Variants in LIFR observed in about 807,000 individuals in gnomAD.
The protein encoded by LIFR is LIF receptor subunit alpha.
LIFR carries 84 observed loss-of-function variants against 122.2 expected under a neutral mutation model. The ratio of observed to expected loss-of-function variants is 0.69; its 90% confidence interval spans 0.58 to 0.82. The LOEUF (loss-of-function observed/expected upper bound fraction) is 0.82, where lower values mean the gene tolerates loss of function less well. LIFR is among the 40% of genes least tolerant of loss of function. The pLI is 0.00. For synonymous variants in LIFR, 422 were observed against 434.7 expected (o/e 0.97, Z 0.36); for missense variants, 1,294 against 1,311.6 (o/e 0.99, Z 0.21).
chr5:38,482,173 T>C lies in LIFR; in HGVS notation c.2716A>G (p.Asn906Asp). 3 of 1,590,038 alleles carry C rather than the reference T, an allele frequency of 1.9e-6. No individual in the cohort carries two copies. The highest frequency in any genetic ancestry group is 2.6e-6 in the Non-Finnish European group (3 of 1,173,556). Reference protein sequence around the residue: ...KTLEMNPCTPNNVEVLETRSA... With the variant: ...KTLEMNPCTPDNVEVLETRSA... ...CGAGTTTCCAGAACCTCAACATTAT[T>C]TGGGGTACAAGGATTCATTTCCAAT... Residue 906 changes from asparagine (N) to aspartate (D), a missense_variant, in exon 20 of 20, where the codon AAT becomes GAT. Physicochemically the swap from Asn to Asp is conservative, Grantham distance 23. Coordinates refer to ENST00000453190, the MANE Select transcript of LIFR (RefSeq NM_001127671.2).
At chr5:38,598,217 TTTTTTTTTTTTTTTTATTTATTTATTTA>T, upstream of LIFR, among the ~76,000 whole-genome samples, 1 of 67,922 alleles carries the variant, frequency 1.5e-5, no homozygotes, top group Non-Finnish European at 2.8e-5. Context: ...ACCTCTTTTT[TTTTTTTTTTTTTTTTATTTATTTATTTA>T]TTTTTTTTTT....
chr5:38,507,236 AATT>A (rs1272921360), intron 7 of LIFR, among the ~76,000 whole-genome samples: 3 of 151,944 alleles, frequency 2.0e-5, no homozygotes, highest in African/African-American at 7.3e-5. Context: ...AATTAAAAGA[AATT>A]TTTTTTTTTT....
At chr5:38,530,336 T>C (rs1746934169) in intron 2 of LIFR, among the ~76,000 whole-genome samples, 170 bp downstream of exon 2, 1 of 152,104 alleles carries the variant, frequency 6.6e-6, no homozygotes, top group Non-Finnish European at 1.5e-5. Context: ...TGATCTATCA[T>C]TAAGGATCTT....
chr5:38,527,136 TTTG>T lies in LIFR; in HGVS notation c.397+16_397+18del. 1 of 1,564,154 alleles carries T rather than the reference TTTG, an allele frequency of 6.4e-7. No individual in the cohort carries two copies. Among genetic ancestry groups the T allele is most frequent in the Non-Finnish European group, 8.8e-7 (1 of 1,142,208 alleles). On this transcript the variant is annotated intron_variant, in intron 4 of 19. Transcript: ENST00000453190. ...ACACTTGACTTACTTTAAAATTGAG[TTTG>T]TTTTCAAATACTTACAAACGTTTTG...
upstream of LIFR, among the ~76,000 whole-genome samples, chr5:38,560,636 G>A (rs371572983): frequency 4.8e-4 from 72 of 149,754 alleles, 1 homozygote; most frequent in African/African-American, 1.7e-3. Flanking sequence ...TTGCTCTGTC[G>A]TCCAGGCTGG....
intron 1 of LIFR, among the ~76,000 whole-genome samples, chr5:38,583,334 A>C (rs1195058891): frequency 1.3e-5 from 2 of 152,184 alleles, no homozygotes; most frequent in Non-Finnish European, 2.9e-5. Flanking sequence ...TTTCACTTTC[A>C]TATATAAGCA....
intron 13 of LIFR, among the ~76,000 whole-genome samples, chr5:38,496,082 T>G (rs1744860631): frequency 6.6e-6 from 1 of 152,196 alleles, no homozygotes; most frequent in African/African-American, 2.4e-5. Flanking sequence ...GAATATCATT[T>G]GAATAAACTC....
rs374437893 is a variant in LIFR at position 38,575,061 on chromosome 5, G to A, written c.-20+20200C>T. Among the ~76,000 whole-genome samples the A allele has an allele frequency of 2.6e-5, 4 of 152,074 alleles. No homozygotes were observed. The East Asian group carries it at 7.7e-4, about 29-fold the overall frequency. On this transcript the variant is annotated intron_variant, in intron 1 of 19. Coordinates refer to the LIFR transcript ENST00000263409. ...GGAAACTATCCACATGCCCATCCAAGCAGAACAGATCAACTGTTTTGTATT... is the reference window on the plus strand; with the variant it reads ...GGAAACTATCCACATGCCCATCCAAACAGAACAGATCAACTGTTTTGTATT...
chr5:38,561,227 A>C (rs549587096), upstream of LIFR, among the ~76,000 whole-genome samples: 9 of 152,296 alleles, frequency 5.9e-5, no homozygotes, highest in African/African-American at 2.2e-4. Flanking sequence ...CTACACAACA[A>C]TTTTGGCTAT....
intron 5 of LIFR, among the ~76,000 whole-genome samples, chr5:38,515,374 T>C (rs966528616): frequency 2.8e-5 from 4 of 140,646 alleles, no homozygotes; most frequent in African/African-American, 5.3e-5. Context: ...ATAAAGTACT[T>C]AGTATATTTG....
At chr5:38,590,554 A>G (rs1354018011) in intron 1 of LIFR, among the ~76,000 whole-genome samples, 11 of 152,228 alleles carry the variant, frequency 7.2e-5, no homozygotes, top group Non-Finnish European at 1.5e-4. Flanking sequence ...TACTGTTTCA[A>G]TGATGACCGT....
At chr5:38,593,943 A>G (rs541915037) in intron 1 of LIFR, among the ~76,000 whole-genome samples, 55 of 152,322 alleles carry the variant, frequency 3.6e-4, no homozygotes, top group Admixed American at 7.2e-4. Context: ...TAAGCTACCC[A>G]GACTATCGTA....
chr5:38,480,111 TA>T lies in LIFR; in HGVS notation c.*1483del. The T allele has an allele frequency of 4.5e-6, 1 of 222,412 alleles. No homozygotes were observed. Among genetic ancestry groups the T allele is most frequent in the Non-Finnish European group, 8.7e-6 (1 of 114,806 alleles). The allele number at this position is 222,412 out of a possible 1,614,324, so 13.8% of individuals were successfully genotyped here. On this transcript the variant is annotated 3_prime_UTR_variant, in exon 20 of 20. Coordinates refer to ENST00000453190, the MANE Select transcript of LIFR (RefSeq NM_001127671.2). ...AAATACATTACAGAATCTCAGATGA[TA>T]AAAAACAAACAAACAACCAAAAAAA...
In LIFR at chr5:38,565,638, A is replaced by G. The variant is rs564116418; in HGVS notation, c.-20+29623T>C. 4.9e-5 allele frequency among the ~76,000 whole-genome samples: 7 copies of G among 143,386 alleles called. 2 individuals carry two copies. The highest frequency in any genetic ancestry group is 1.8e-4 in the African/African-American group (7 of 37,936). 94.1% of individuals were successfully genotyped at this position (143,386 alleles called of 152,430 possible). A position where few individuals can be genotyped will look rare whatever the true frequency, so the allele number is the denominator to read the frequency against. On this transcript the variant is annotated intron_variant, in intron 1 of 19. Coordinates refer to the LIFR transcript ENST00000263409. ...GTTTCGCTCTTGTTGCCCAGGCTGG[A>G]GTACAATGGCGCAGTCTCGGCTCAC...
intron 1 of LIFR, among the ~76,000 whole-genome samples, chr5:38,544,698 T>C (rs897737365): frequency 3.9e-5 from 6 of 152,148 alleles, no homozygotes; most frequent in Admixed American, 6.5e-5. Context: ...TCCTGACTTA[T>C]TGTCCCTCCC....
intron 11 of LIFR, among the ~76,000 whole-genome samples, chr5:38,501,275 T>G (rs373904546): frequency 6.6e-5 from 10 of 152,222 alleles, no homozygotes; most frequent in Non-Finnish European, 2.9e-5. Context: ...ATACAAGTAA[T>G]TCTTACACAT....
At chr5:38,506,795 T>A (rs1270955889) in intron 7 of LIFR, among the ~76,000 whole-genome samples, 163 bp from the exon 8 acceptor site, 1 of 152,238 alleles carries the variant, frequency 6.6e-6, no homozygotes, top group East Asian at 1.9e-4. Flanking sequence ...CTGTAGCATG[T>A]CTTGTCAGAG....
chr5:38,495,308 C>T (rs1744818829), intron 13 of LIFR, among the ~76,000 whole-genome samples: 1 of 152,172 alleles, frequency 6.6e-6, no homozygotes, highest in Non-Finnish European at 1.5e-5. Flanking sequence ...TAATCTAAAT[C>T]AGTATGTTAT....
chr5:38,486,496 C>T (rs989540349), intron 16 of LIFR, among the ~76,000 whole-genome samples: 1 of 152,152 alleles, frequency 6.6e-6, no homozygotes, highest in African/African-American at 2.4e-5. Context: ...TGGGTTATAA[C>T]TTCAAAAGGA....
Sources: allele counts gnomAD v4.1 joint callset (sites outside exome capture counted in the v4.1 genomes callset), GRCh38; gene constraint gnomAD v4.1.1; transcripts MANE v1.5; gene names NCBI Gene and HGNC (gene_info 2026-07-23, HGNC 2026-07-21).